Variants in SGCZ observed in about 807,000 individuals in gnomAD.
SGCZ encodes sarcoglycan zeta.
Under a neutral mutation model 41.3 loss-of-function variants are expected in SGCZ, and 40 were observed. The ratio of observed to expected loss-of-function variants is 0.97; its 90% CI spans 0.75 to 1.26. The LOEUF (loss-of-function observed/expected upper bound fraction) is 1.26. Ranked by LOEUF, SGCZ falls within the 50% of genes most tolerant of loss-of-function variation. The pLI, the probability that SGCZ is intolerant of heterozygous loss-of-function variation, is 0.00. For missense variants in SGCZ, 552 were observed against 369.8 expected (o/e 1.49, Z -4.04); for synonymous variants, 206 against 137.5 (o/e 1.50, Z -3.49).
intron 1 of SGCZ, among the ~76,000 whole-genome samples, chr8:14,700,660 T>G (rs985750014): frequency 6.6e-6 from 1 of 152,004 alleles, no homozygotes; most frequent in Non-Finnish European, 1.5e-5. Flanking sequence ...TATTCATATA[T>G]TTAATAAAAT....
At chr8:14,269,690 A>G (rs2117259431) in intron 3 of SGCZ, among the ~76,000 whole-genome samples, 1 of 152,202 alleles carries the variant, frequency 6.6e-6, no homozygotes, top group African/African-American at 2.4e-5. Flanking sequence ...CTGGAGGACA[A>G]AATGCTATGA....
At chr8:14,905,828 A>G (rs1007818385) in intron 1 of SGCZ, among the ~76,000 whole-genome samples, 2 of 152,014 alleles carry the variant, frequency 1.3e-5, no homozygotes, top group African/African-American at 4.8e-5. Context: ...TAAAACTCAA[A>G]ACCATTCGTA....
At chr8:14,360,852 A>G (rs1241909318) in intron 2 of SGCZ, among the ~76,000 whole-genome samples, 3 of 151,940 alleles carry the variant, frequency 2.0e-5, no homozygotes, top group African/African-American at 7.3e-5. Flanking sequence ...TTTTTGAGAA[A>G]CCACTTTTTT....
Position 14,825,781 on chromosome 8 carries a change from A to T in SGCZ, c.40-270855T>A, listed in dbSNP as rs551287018. 2.0e-5 allele frequency among the ~76,000 whole-genome samples: 3 copies of T among 152,184 alleles called. No individual in the cohort carries two copies. In the East Asian group the frequency reaches 5.8e-4, roughly 30 times the overall value. On this transcript the variant is annotated intron_variant, in intron 1 of 7. Transcript: ENST00000382080. ...TGAAATCAACTTTTTAAGATTCCAC[A>T]TGTAAGTGAGATCATGTGGTACTTG...
intron 1 of SGCZ, among the ~76,000 whole-genome samples, chr8:14,831,816 G>GTATATATGTGTGTA (rs1251135314): frequency 4.4e-4 from 1 of 2,262 alleles, no homozygotes; most frequent in Non-Finnish European, 2.5e-3. Context: ...ATATATGTGT[G>GTATATATGTGTGTA]CACATACATG....
chr8:14,143,964 G>A (rs1292995036), intron 5 of SGCZ, among the ~76,000 whole-genome samples: 1 of 152,126 alleles, frequency 6.6e-6, no homozygotes, highest in East Asian at 1.9e-4. Flanking sequence ...GCCCTAACAA[G>A]GCAGGAATCA....
intron 1 of SGCZ, among the ~76,000 whole-genome samples, chr8:14,837,797 T>A (rs886500860): frequency 6.6e-6 from 1 of 152,218 alleles, no homozygotes; most frequent in Non-Finnish European, 1.5e-5. Context: ...TGAGTAATTA[T>A]AGACACATAA....
chr8:14,567,611 A>T (rs964359262), intron 1 of SGCZ, among the ~76,000 whole-genome samples: 1 of 152,200 alleles, frequency 6.6e-6, no homozygotes, highest in Non-Finnish European at 1.5e-5. Context: ...CTAAGCCAGC[A>T]GTGGCAACCA....
At chr8:14,664,693 A>G (rs1198215179) in intron 1 of SGCZ, among the ~76,000 whole-genome samples, 1 of 152,216 alleles carries the variant, frequency 6.6e-6, no homozygotes, top group Non-Finnish European at 1.5e-5. Context: ...CACTTAGTGT[A>G]TGCTATATGA....
intron 1 of SGCZ, among the ~76,000 whole-genome samples, chr8:14,582,960 A>C (rs958093355): frequency 6.6e-6 from 1 of 151,970 alleles, no homozygotes; most frequent in Non-Finnish European, 1.5e-5. Flanking sequence ...ATAGTGCCGC[A>C]ATAAAAATAC....
intron 1 of SGCZ, among the ~76,000 whole-genome samples, chr8:14,885,992 TA>T (rs1804781646): frequency 2.5e-5 from 1 of 39,606 alleles, no homozygotes; most frequent in African/African-American, 8.8e-5. Flanking sequence ...ATGTTATATA[TA>T]TATATATATA....
At chr8:15,002,836 C>G (rs1802475206) in intron 1 of SGCZ, among the ~76,000 whole-genome samples, 1 of 152,118 alleles carries the variant, frequency 6.6e-6, no homozygotes, top group Non-Finnish European at 1.5e-5. Flanking sequence ...CAAATCTCAT[C>G]TTGAATTACA....
chr8:14,486,514 C>G (rs1279772729), intron 2 of SGCZ, among the ~76,000 whole-genome samples: 1 of 152,204 alleles, frequency 6.6e-6, no homozygotes, highest in Non-Finnish European at 1.5e-5. Flanking sequence ...AAACACTATG[C>G]TACAAGCCAC....
chr8:15,037,818 A>G (rs746608424), intron 1 of SGCZ, among the ~76,000 whole-genome samples: 1 of 152,194 alleles, frequency 6.6e-6, no homozygotes, highest in Non-Finnish European at 1.5e-5. Context: ...GTCAGTAGTG[A>G]TTCTATACAC....
chr8:14,407,666 G>T (rs949455179), intron 2 of SGCZ, among the ~76,000 whole-genome samples: 1 of 152,100 alleles, frequency 6.6e-6, no homozygotes, highest in Admixed American at 6.6e-5. Context: ...ATAAAATATT[G>T]TTTTCTTGTT....
intron 1 of SGCZ, among the ~76,000 whole-genome samples, chr8:14,571,910 T>C (rs746602810): frequency 5.9e-5 from 9 of 152,210 alleles, no homozygotes; most frequent in Non-Finnish European, 8.8e-5. Context: ...TATTTATTTA[T>C]ATTATTTACT....
chr8:14,579,132 G>C (rs1804805831), intron 1 of SGCZ, among the ~76,000 whole-genome samples: 1 of 152,042 alleles, frequency 6.6e-6, no homozygotes, highest in South Asian at 2.1e-4. Flanking sequence ...AGAAAATAAA[G>C]TATTGAGATC....
chr8:14,792,663 C>A (rs1250922773), intron 1 of SGCZ, among the ~76,000 whole-genome samples: 2 of 151,958 alleles, frequency 1.3e-5, no homozygotes, highest in Non-Finnish European at 2.9e-5. Context: ...GTGTGCTGCA[C>A]CCATTAACTC....
At chr8:14,147,572 A>G (rs1297140373) in intron 5 of SGCZ, among the ~76,000 whole-genome samples, 6 of 152,188 alleles carry the variant, frequency 3.9e-5, no homozygotes, top group Admixed American at 6.5e-5. Context: ...TAGAGGAAAC[A>G]TTATTATAAC....
Sources: gnomAD v4.1 joint callset for allele counts (sites outside exome capture counted in the v4.1 genomes callset) on GRCh38, gnomAD v4.1.1 for gene constraint, MANE v1.5 for transcripts, NCBI Gene and HGNC (gene_info 2026-07-23, HGNC 2026-07-21) for gene names.